RANBP17: variants seen among roughly 807,000 people sequenced by gnomAD.
The protein encoded by RANBP17 is ran-binding protein 17.
A neutral mutation model predicts 141.2 loss-of-function variants in RANBP17; 158 were observed. That is an observed-to-expected ratio of 1.12 (90% confidence interval 0.98 to 1.28). The LOEUF (loss-of-function observed/expected upper bound fraction) is 1.28. RANBP17 is among the 50% of genes most tolerant of loss of function. The pLI is 0.00. For synonymous variants in RANBP17, 430 were observed against 450.0 expected (o/e 0.96, Z 0.56); for missense variants, 1,438 against 1,290.7 (o/e 1.11, Z -1.75).
At position 171,299,540 on chromosome 5, in the gene RANBP17, T is replaced by C. The variant is rs532628179; in HGVS notation, c.*682T>C. ...TGTGCAATTACTGCCTGCAGAGATA[T>C]TTCTTCAGGAGGAGTCATGTAGCCC... On this transcript the variant is annotated 3_prime_UTR_variant, in exon 28 of 28. Coordinates refer to ENST00000523189, the MANE Select transcript of RANBP17 (RefSeq NM_022897.5). 18 of 232,328 alleles carry C rather than the reference T, an allele frequency of 7.7e-5. No homozygotes were observed. The highest frequency in any genetic ancestry group is 3.3e-4 in the African/African-American group (15 of 45,372). 14.4% of individuals were successfully genotyped at this position (232,328 alleles called of 1,614,324 possible).
intron 14 of RANBP17, among the ~76,000 whole-genome samples, chr5:171,155,122 T>TACACACAC (rs375832271): frequency 7.4e-6 from 1 of 134,994 alleles, no homozygotes; most frequent in African/African-American, 2.8e-5. Context: ...TATATATATG[T>TACACACAC]ACACACACAC....
chr5:171,249,041 A>G (rs1244726871), intron 24 of RANBP17, among the ~76,000 whole-genome samples: 1 of 152,000 alleles, frequency 6.6e-6, no homozygotes, highest in Non-Finnish European at 1.5e-5. Context: ...CGTTCATCCC[A>G]CCATTGCCAC....
At chr5:170,910,788 G>T in intron 6 of RANBP17, 181 bp from the exon 7 acceptor site, 1 of 562,396 alleles carries the variant, frequency 1.8e-6, no homozygotes, top group South Asian at 2.3e-5. Context: ...ATTCTTTTAT[G>T]CATGAAGTTA....
chr5:171,198,401 T>C (rs1242570315), intron 18 of RANBP17, among the ~76,000 whole-genome samples: 1 of 152,152 alleles, frequency 6.6e-6, no homozygotes, highest in Non-Finnish European at 1.5e-5. Context: ...AATGTGAAAT[T>C]GAAGGAAAGA....
chr5:171,284,919 G>A (rs976549702), intron 25 of RANBP17, among the ~76,000 whole-genome samples: 2 of 152,082 alleles, frequency 1.3e-5, no homozygotes, highest in African/African-American at 4.8e-5. Flanking sequence ...AAAATTCTTT[G>A]AAGGCTACCC....
At chr5:171,277,667 A>ATATATATATATATATT (rs1561823604) in intron 25 of RANBP17, among the ~76,000 whole-genome samples, 1 of 136,664 alleles carries the variant, frequency 7.3e-6, no homozygotes, top group African/African-American at 2.7e-5. Flanking sequence ...ATATATATAT[A>ATATATATATATATATT]TTTATGTCTT....
chr5:171,014,629 T>C (rs1192484870), intron 14 of RANBP17, among the ~76,000 whole-genome samples: 3 of 152,048 alleles, frequency 2.0e-5, no homozygotes, highest in Non-Finnish European at 4.4e-5. Context: ...ATTTTACTTA[T>C]ATATACATTA....
At chr5:171,243,167 T>G (rs1277366878) in intron 24 of RANBP17, 2 of 191,166 alleles carry the variant, frequency 1.0e-5, no homozygotes, top group African/African-American at 4.7e-5. Flanking sequence ...AAGCTCCTTT[T>G]TTTCCTCCTT....
rs368654697 is a variant in RANBP17, at chr5:171,104,786, T to C, written c.1711-65344T>C. On this transcript the variant is annotated intron_variant, in intron 14 of 27. Coordinates refer to ENST00000523189, the MANE Select transcript of RANBP17 (RefSeq NM_022897.5). ...GTCTAATGTGAGGATAGAGATAATA[T>C]GCTTAGCTCAATAACTCGCATATAG... is the stretch of plus-strand genomic sequence containing the variant. 2.2e-4 allele frequency among the ~76,000 whole-genome samples: 33 copies of C among 152,342 alleles called. 1 individual carries two copies. The South Asian group carries it at 6.6e-3, about 31-fold the overall frequency.
intron 5 of RANBP17, among the ~76,000 whole-genome samples, chr5:170,907,515 A>G (rs1771159878): frequency 6.6e-6 from 1 of 151,986 alleles, no homozygotes; most frequent in African/African-American, 2.4e-5. Flanking sequence ...AGATTATATT[A>G]ACTTGCACAG....
At chr5:171,113,610 G>T (rs1396291220) in intron 14 of RANBP17, among the ~76,000 whole-genome samples, 3 of 152,014 alleles carry the variant, frequency 2.0e-5, no homozygotes, top group African/African-American at 7.2e-5. Flanking sequence ...TACAGATAAG[G>T]AAATTGAGTC....
intron 14 of RANBP17, among the ~76,000 whole-genome samples, chr5:171,078,560 C>T (rs1467581054): frequency 1.3e-5 from 2 of 152,190 alleles, no homozygotes; most frequent in Admixed American, 1.3e-4. Flanking sequence ...GGCTTGAAAG[C>T]TTCAAAAGAC....
intron 18 of RANBP17, among the ~76,000 whole-genome samples, chr5:171,188,768 G>A (rs1761435316): frequency 6.6e-6 from 1 of 152,108 alleles, no homozygotes; most frequent in African/African-American, 2.4e-5. Context: ...TTAAACAACA[G>A]GATAGCACTA....
chr5:171,259,911 G>A (rs1185980957), intron 24 of RANBP17, among the ~76,000 whole-genome samples: 1 of 151,980 alleles, frequency 6.6e-6, no homozygotes, highest in African/African-American at 2.4e-5. Context: ...AACCTGGGAG[G>A]TAGAGGTTGC....
chr5:171,284,893 T>C (rs908341776), intron 25 of RANBP17, among the ~76,000 whole-genome samples: 4 of 152,176 alleles, frequency 2.6e-5, no homozygotes, highest in African/African-American at 9.7e-5. Flanking sequence ...GACCTCATCA[T>C]GTCACCTTCT....
chr5:171,212,114 G>C (rs995165953), intron 20 of RANBP17, among the ~76,000 whole-genome samples: 1 of 152,176 alleles, frequency 6.6e-6, no homozygotes, highest in Admixed American at 6.5e-5. Flanking sequence ...TTAGGGAGAG[G>C]TAGGAGGCAA....
At chr5:171,286,015 G>A (rs746729322) in intron 25 of RANBP17, among the ~76,000 whole-genome samples, 51 of 152,202 alleles carry the variant, frequency 3.4e-4, no homozygotes, top group Non-Finnish European at 6.9e-4. Context: ...AGAACTAGGG[G>A]TAATGTTGGT....
intron 14 of RANBP17, among the ~76,000 whole-genome samples, chr5:171,034,175 A>G (rs903139066): frequency 1.6e-4 from 24 of 152,212 alleles, no homozygotes; most frequent in African/African-American, 5.8e-4. Context: ...AAATTAGCAT[A>G]TGTTCATGAT....
At chr5:171,278,289 C>T (rs1767656455) in intron 25 of RANBP17, among the ~76,000 whole-genome samples, 1 of 151,976 alleles carries the variant, frequency 6.6e-6, no homozygotes, top group Non-Finnish European at 1.5e-5. Context: ...GAGGCCAAAG[C>T]GGGTGGATCA....
Sources: allele counts gnomAD v4.1 joint callset (sites outside exome capture counted in the v4.1 genomes callset), GRCh38; gene constraint gnomAD v4.1.1; transcripts MANE v1.5; gene names NCBI Gene and HGNC (gene_info 2026-07-23, HGNC 2026-07-21).